Variants in MORN1 observed in about 807,000 individuals in gnomAD.
The protein encoded by MORN1 is MORN repeat containing 1, also known as MORN repeat-containing protein 1.
MORN1 carries 67 observed loss-of-function variants against 61.9 expected under a neutral mutation model. That is an observed-to-expected ratio of 1.08 (90% CI 0.89 to 1.33). The LOEUF (loss-of-function observed/expected upper bound fraction) is 1.33, where lower values mean the gene tolerates loss of function less well. Among genes scored for constraint, MORN1 ranks in the 40% most tolerant of loss-of-function variants. MORN1 has a pLI of 0.00. For missense variants in MORN1, 752 were observed against 691.2 expected (o/e 1.09, Z -0.99); for synonymous variants, 301 against 292.0 (o/e 1.03, Z -0.31).
In MORN1 at chr1:2,322,353, A is replaced by G. The variant is rs953152877; in HGVS notation, c.1298-774T>C. On this transcript the variant is annotated intron_variant, in intron 13 of 13. Transcript: ENST00000378531. ...GGGCTCACACCAGGAATGCGGCCGC[A>G]GCTGAAATGGGGGCAGGAGTCGGCT... is the stretch of plus-strand genomic sequence containing the variant. 8.1e-6 allele frequency: 8 copies of G among 985,286 alleles called. No homozygotes were observed. In the African/African-American group the frequency reaches 8.7e-5, roughly 11 times the overall value. The allele number at this position is 985,286 out of a possible 1,614,324, so 61.0% of individuals were successfully genotyped here. A position where few individuals can be genotyped will look rare whatever the true frequency, so the allele number is the denominator to read the frequency against.
intron 9 of MORN1, 138 bp downstream of exon 9, chr1:2,358,454 G>C: frequency 1.7e-6 from 2 of 1,185,746 alleles, no homozygotes; most frequent in Non-Finnish European, 2.4e-6. Context: ...TGTTTCCTTA[G>C]AACAGACATC....
Position 2,358,663 on chromosome 1 carries a change from C to T in MORN1, c.798G>A (p.Leu266=). The change falls in exon 9 of 14, where the codon CTG becomes CTA. Residue 266 remains leucine, a synonymous_variant. Coordinates refer to ENST00000378531, the MANE Select transcript of MORN1 (RefSeq NM_024848.3). ...AAAAGTTGACCTCAGAGTAGGCTGA[C>T]AGCTGCACGTATCTGACGCCCGCTG... ...QISAGVRYVQ[L]SAYSEVNFFK... is the part of the protein sequence containing the mutation. 1 of 1,613,996 alleles carries T rather than the reference C, an allele frequency of 6.2e-7. No individual in the cohort carries two copies. Among genetic ancestry groups the T allele is most frequent in the Non-Finnish European group, 8.5e-7 (1 of 1,179,988 alleles).
chr1:2,369,840 C>T (rs928594121), intron 8 of MORN1, among the ~76,000 whole-genome samples: 1 of 152,138 alleles, frequency 6.6e-6, no homozygotes, highest in African/African-American at 2.4e-5. Flanking sequence ...AAGAACTCTA[C>T]CTAAATGGAG....
At chr1:2,386,009 A>C in intron 4 of MORN1, 112 bp from the exon 5 acceptor site, 1 of 886,742 alleles carries the variant, frequency 1.1e-6, no homozygotes, top group South Asian at 1.4e-5. Context: ...CAAGTCTAGG[A>C]GGCATGGGGC....
intron 8 of MORN1, among the ~76,000 whole-genome samples, chr1:2,367,799 C>A (rs12069579): frequency 6.6e-6 from 1 of 151,928 alleles, no homozygotes; most frequent in Non-Finnish European, 1.5e-5. Flanking sequence ...AGCTAGTTTT[C>A]GTATTTTTTA....
At chr1:2,382,798 G>A (rs1164187233) in intron 6 of MORN1, among the ~76,000 whole-genome samples, 6 of 152,192 alleles carry the variant, frequency 3.9e-5, no homozygotes, top group Non-Finnish European at 5.9e-5. Context: ...CAGCAACGAC[G>A]CTGACATGGG....
At chr1:2,363,210 T>G (rs1006051905) in intron 8 of MORN1, 7 of 152,224 alleles carry the variant, frequency 4.6e-5, no homozygotes, top group African/African-American at 1.7e-4. Context: ...GGTATATAAT[T>G]GTACAGTTCT....
intron 8 of MORN1, among the ~76,000 whole-genome samples, chr1:2,369,322 C>G (rs189914014): frequency 4.9e-5 from 7 of 142,310 alleles, no homozygotes; most frequent in African/African-American, 1.5e-4. Context: ...CCACTGCACT[C>G]TAGCCTGGAT....
At chr1:2,365,737 C>A (rs1015266395) in intron 8 of MORN1, among the ~76,000 whole-genome samples, 4 of 152,334 alleles carry the variant, frequency 2.6e-5, no homozygotes, top group South Asian at 2.1e-4. Context: ...TGCTTACCAT[C>A]ACTGGCTATC....
intron 2 of MORN1, among the ~76,000 whole-genome samples, chr1:2,388,838 G>A (rs34189837): frequency 6.0e-5 from 9 of 150,038 alleles, no homozygotes; most frequent in African/African-American, 2.0e-4. Context: ...GTGGCTGGGC[G>A]CAGTGGCTCA....
chr1:2,349,775 C>T (rs957598554), intron 10 of MORN1, among the ~76,000 whole-genome samples: 5 of 152,314 alleles, frequency 3.3e-5, no homozygotes, highest in Admixed American at 2.0e-4. Flanking sequence ...ATCTTACAAT[C>T]ACGATTGATT....
intron 6 of MORN1, chr1:2,375,786 G>C (rs1208775557): frequency 6.6e-6 from 1 of 152,374 alleles, no homozygotes; most frequent in Non-Finnish European, 1.5e-5. Flanking sequence ...CCTTGCTCCT[G>C]AGGCTCTTGT....
At chr1:2,335,847 G>GCCCAGCCCAGCC (rs1557870549) in intron 12 of MORN1, among the ~76,000 whole-genome samples, 9 of 134,894 alleles carry the variant, frequency 6.7e-5, no homozygotes, top group African/African-American at 3.6e-4. Flanking sequence ...CCAGCCCAGC[G>GCCCAGCCCAGCC]CGCAGCTGCC....
intron 7 of MORN1, among the ~76,000 whole-genome samples, chr1:2,373,771 C>A (rs942626021): frequency 6.6e-6 from 1 of 152,194 alleles, no homozygotes; most frequent in Non-Finnish European, 1.5e-5. Context: ...CCGGGGCCAG[C>A]GGGTCTGTGC....
chr1:2,356,322 G>C (rs1641768484), intron 10 of MORN1, among the ~76,000 whole-genome samples: 1 of 152,306 alleles, frequency 6.6e-6, no homozygotes, highest in East Asian at 1.9e-4. Flanking sequence ...GATGACCAGG[G>C]ACGTCTCGTC....
intron 12 of MORN1, among the ~76,000 whole-genome samples, chr1:2,331,381 T>A (rs922572422): frequency 6.6e-6 from 1 of 152,218 alleles, no homozygotes; most frequent in Admixed American, 6.5e-5. Flanking sequence ...TGGGCGGGCT[T>A]CTCCCAGGGG....
At chr1:2,341,417 C>T (rs887978314) in intron 10 of MORN1, among the ~76,000 whole-genome samples, 14 of 152,122 alleles carry the variant, frequency 9.2e-5, no homozygotes, top group African/African-American at 1.9e-4. Context: ...TAAAAGGGGC[C>T]GGGCGTGGTG....
intron 10 of MORN1, among the ~76,000 whole-genome samples, chr1:2,343,366 G>A (rs1641443507): frequency 4.6e-5 from 7 of 152,318 alleles, no homozygotes; most frequent in Admixed American, 4.6e-4. Context: ...TGGGCCCTGT[G>A]ACAGAGCCGC....
At chr1:2,383,426 GTC>G (rs1212262314) in intron 6 of MORN1, among the ~76,000 whole-genome samples, 2 of 152,170 alleles carry the variant, frequency 1.3e-5, no homozygotes, top group Non-Finnish European at 2.9e-5. Flanking sequence ...CTCTGTGGAG[GTC>G]TGAGTCTCAG....
Sources: allele counts gnomAD v4.1 joint callset (sites outside exome capture counted in the v4.1 genomes callset), GRCh38; gene constraint gnomAD v4.1.1; transcripts MANE v1.5; gene names NCBI Gene and HGNC (gene_info 2026-07-23, HGNC 2026-07-21).